Variants in PTPN3 observed in about 807,000 individuals in gnomAD.
PTPN3 encodes the protein protein tyrosine phosphatase non-receptor type 3, also known as tyrosine-protein phosphatase non-receptor type 3.
In PTPN3, 96 loss-of-function variants were observed where a neutral mutation model predicts 132.7. That is an observed-to-expected ratio of 0.72 (90% CI 0.61 to 0.86). The LOEUF is 0.86. Among genes scored for constraint, PTPN3 ranks in the 40% least tolerant of loss-of-function variants. The probability of loss-of-function intolerance (pLI) is 0.00; values close to 1 mark genes in which losing one functional copy is unlikely to be tolerated. For synonymous variants in PTPN3, 398 were observed against 429.0 expected, an observed-to-expected ratio of 0.93 and a Z score of 0.89; for missense variants, 1,125 against 1,159.6, an observed-to-expected ratio of 0.97 and a Z score of 0.43.
chr9:109,399,085 G>T (rs988192506), intron 19 of PTPN3, among the ~76,000 whole-genome samples: 2 of 152,152 alleles, frequency 1.3e-5, no homozygotes, highest in Non-Finnish European at 2.9e-5. Context: ...GCTACCAAAG[G>T]GAATGGCTAA....
chr9:109,445,242 T>C lies in PTPN3; in HGVS notation c.464A>G (p.Gln155Arg). 1.2e-6 allele frequency: 2 copies of C among 1,613,258 alleles called. No homozygotes were observed. Among genetic ancestry groups the C allele is most frequent in the South Asian group, 1.1e-5 (1 of 91,058 alleles). The part of the protein sequence containing the change: ...SAVVLASYAV[Q>R]SHFGDYNSSI... ...GAAATGCTCCCTTTGTGACTTACAT[T>C]GTACGGCATAGGACGCTAGAACCAC... Residue 155 changes from glutamine to arginine, a missense_variant and splice_region_variant, in exon 7 of 26, where the codon CAA (glutamine) becomes CGA (arginine). Coordinates refer to ENST00000374541, the MANE Select transcript of PTPN3 (RefSeq NM_002829.4).
chr9:109,524,772 C>G, the PTPN3 span, among the ~76,000 whole-genome samples: 1 of 152,172 alleles, frequency 6.6e-6, no homozygotes, highest in Non-Finnish European at 1.5e-5. Flanking sequence ...GAGTCTCGCT[C>G]TGTCGCCCAG....
chr9:109,535,093 G>A, the PTPN3 span, among the ~76,000 whole-genome samples: 1 of 152,158 alleles, frequency 6.6e-6, no homozygotes, highest in Non-Finnish European at 1.5e-5. Flanking sequence ...GGTAGGATGT[G>A]CGAAAAGATG....
At chr9:109,450,794 T>C (rs1206420004) in intron 5 of PTPN3, 2 of 985,358 alleles carry the variant, frequency 2.0e-6, no homozygotes, top group African/African-American at 1.7e-5. Flanking sequence ...AGAAATGTAA[T>C]GACCTCTCTT....
the PTPN3 span, among the ~76,000 whole-genome samples, chr9:109,506,669 C>T: frequency 6.7e-6 from 1 of 149,734 alleles, no homozygotes; most frequent in Non-Finnish European, 1.5e-5. Flanking sequence ...GAGGTACATT[C>T]TCAGCTCACT....
chr9:109,420,148 G>A (rs960345990), intron 14 of PTPN3, among the ~76,000 whole-genome samples: 1 of 152,194 alleles, frequency 6.6e-6, no homozygotes, highest in Non-Finnish European at 1.5e-5. Flanking sequence ...GTGAGCTGGA[G>A]AGGAGACTAA....
At chr9:109,402,834 G>C (rs1175621143) in intron 19 of PTPN3, among the ~76,000 whole-genome samples, 3 of 152,108 alleles carry the variant, frequency 2.0e-5, no homozygotes, top group African/African-American at 7.2e-5. Flanking sequence ...ACTTTGGGGG[G>C]CTGAGGCAGG....
intron 1 of PTPN3, among the ~76,000 whole-genome samples, chr9:109,474,211 C>T (rs1157676694): frequency 6.6e-6 from 1 of 152,104 alleles, no homozygotes; most frequent in Non-Finnish European, 1.5e-5. Context: ...TTAACCAAGT[C>T]ATACTGAGGA....
the PTPN3 span, among the ~76,000 whole-genome samples, chr9:109,508,461 G>A: frequency 1.3e-5 from 2 of 152,138 alleles, no homozygotes; most frequent in Admixed American, 1.3e-4. Flanking sequence ...CGCCTGGCCT[G>A]TTCTGTTTTC....
chr9:109,533,368 A>T, the PTPN3 span: 6 of 632,108 alleles, frequency 9.5e-6, no homozygotes, highest in African/African-American at 3.7e-5. Context: ...ATGGTCTCGA[A>T]TTCCTGACCC....
In PTPN3 at chr9:109,388,538, G is replaced by C. The variant is rs1041180204; in HGVS notation, c.2253+695C>G. On this transcript the variant is annotated intron_variant, in intron 22 of 25. Coordinates refer to ENST00000374541, the MANE Select transcript of PTPN3 (RefSeq NM_002829.4). ...AGAGTGGACATCAACAAAAAAGAGG[G>C]GCTGTCAGCAGCACGGAGCTGGCGG... 2.0e-5 allele frequency among the ~76,000 whole-genome samples: 3 copies of C among 152,204 alleles called. No homozygotes were observed. In the South Asian group the frequency reaches 6.2e-4, roughly 32 times the overall value.
intron 2 of PTPN3, among the ~76,000 whole-genome samples, chr9:109,460,952 T>C (rs1845817346): frequency 6.6e-6 from 1 of 152,188 alleles, no homozygotes; most frequent in Admixed American, 6.5e-5. Flanking sequence ...TAACAAACAT[T>C]CATGTTTTCG....
chr9:109,376,974 A>G lies in PTPN3; in HGVS notation c.*2582T>C, dbSNP rs937006446. On this transcript the variant is annotated 3_prime_UTR_variant, in exon 26 of 26. Transcript: ENST00000374541. Reference sequence around the variant, plus strand: ...GGTAGGCTTTTTAGAAATTTATGTGACCGTAATGGCTGCATTTCTGCAACC... The same window carrying G: ...GGTAGGCTTTTTAGAAATTTATGTGGCCGTAATGGCTGCATTTCTGCAACC... 9 of 152,140 alleles carry G rather than the reference A, an allele frequency of 5.9e-5. No homozygotes were observed. Among genetic ancestry groups the G allele is most frequent in the African/African-American group, 2.2e-4 (9 of 41,396 alleles). The allele number at this position is 152,140 out of a possible 1,614,324, so 9.4% of individuals were successfully genotyped here. A position where few individuals can be genotyped will look rare whatever the true frequency, so the allele number is the denominator to read the frequency against.
At chr9:109,435,719 C>G (rs1002700230) in intron 9 of PTPN3, among the ~76,000 whole-genome samples, 1 of 152,098 alleles carries the variant, frequency 6.6e-6, no homozygotes, top group Non-Finnish European at 1.5e-5. Context: ...CAGCACAGCT[C>G]AACTCAGGCA....
rs930719383 is a variant in PTPN3 at position 109,378,216 on chromosome 9, C to A, written c.*1340G>T. On this transcript the variant is annotated 3_prime_UTR_variant, in exon 26 of 26. Coordinates refer to ENST00000374541, the MANE Select transcript of PTPN3 (RefSeq NM_002829.4). Reference sequence around the variant, plus strand: ...CTTCCTCTTCTGAGTACATAAAAACCGCTGTTCAAAAATACCACATTAAAT... The same window carrying A: ...CTTCCTCTTCTGAGTACATAAAAACAGCTGTTCAAAAATACCACATTAAAT... The A allele has an allele frequency of 6.6e-6, 1 of 152,250 alleles. No homozygotes were observed. The highest frequency in any genetic ancestry group is 2.1e-4 in the South Asian group (1 of 4,818). The allele number at this position is 152,250 out of a possible 1,614,324, so 9.4% of individuals were successfully genotyped here.
intron 14 of PTPN3, among the ~76,000 whole-genome samples, chr9:109,414,585 G>T (rs1206103912): frequency 1.3e-5 from 2 of 152,196 alleles, no homozygotes; most frequent in Non-Finnish European, 2.9e-5. Context: ...AGCTCATCTG[G>T]GGCTGTAATA....
chr9:109,485,730 G>T (rs1847177959), intron 1 of PTPN3, among the ~76,000 whole-genome samples: 1 of 151,998 alleles, frequency 6.6e-6, no homozygotes, highest in African/African-American at 2.4e-5. Context: ...CCACCATCCT[G>T]AGAAGACTGA....
intron 1 of PTPN3, among the ~76,000 whole-genome samples, chr9:109,475,856 G>A (rs1230006295): frequency 1.3e-5 from 2 of 152,154 alleles, no homozygotes; most frequent in African/African-American, 2.4e-5. Context: ...CTCTGTTCCC[G>A]CCAAGGAGTC....
At chr9:109,533,794 T>C in the PTPN3 span, 2 of 1,083,386 alleles carry the variant, frequency 1.8e-6, no homozygotes, top group Non-Finnish European at 2.7e-6. Context: ...GAGCCTGGCC[T>C]TGGGGAGCAC....
Sources: gnomAD v4.1 joint callset for allele counts (sites outside exome capture counted in the v4.1 genomes callset) on GRCh38, gnomAD v4.1.1 for gene constraint, MANE v1.5 for transcripts, NCBI Gene and HGNC (gene_info 2026-07-23, HGNC 2026-07-21) for gene names.